Variants in TRHDE observed in about 807,000 individuals in gnomAD.
The protein encoded by TRHDE is thyrotropin-releasing hormone-degrading ectoenzyme.
A neutral mutation model predicts 125.7 loss-of-function variants in TRHDE; 72 were observed. The observed-to-expected ratio is 0.57, with a 90% CI of 0.47 to 0.70. The LOEUF (loss-of-function observed/expected upper bound fraction) is 0.70, where lower values mean the gene tolerates loss of function less well. Ranked by LOEUF, TRHDE falls within the 30% of genes least tolerant of loss-of-function variation. The probability of loss-of-function intolerance (pLI) is 0.00; values close to 1 mark genes in which losing one functional copy is unlikely to be tolerated. For missense variants in TRHDE, 1,110 were observed against 1,327.1 expected (o/e 0.84, Z 2.54); for synonymous variants, 509 against 509.1 (o/e 1.00, Z 0.00).
In TRHDE at chr12:72,542,215, C is replaced by T. The variant is rs984110673; in HGVS notation, c.1723-76C>T. ...AATAGAATAGCATGAATGAAGTAGA[C>T]TAGATTTGAGTAAAACAACTTTACA... is the stretch of plus-strand genomic sequence containing the variant. On this transcript the variant is annotated intron_variant, in intron 6 of 18. Transcript: ENST00000261180. 13 of 1,091,224 alleles carry T rather than the reference C, an allele frequency of 1.2e-5. No homozygotes were observed. In the Admixed American group the frequency reaches 2.5e-4, roughly 21 times the overall value. 67.6% of individuals were successfully genotyped at this position (1,091,224 alleles called of 1,614,324 possible). A position where few individuals can be genotyped will look rare whatever the true frequency, so the allele number is the denominator to read the frequency against.
At chr12:72,561,596 G>A (rs1870180029) in intron 7 of TRHDE, among the ~76,000 whole-genome samples, 1 of 152,088 alleles carries the variant, frequency 6.6e-6, no homozygotes, top group South Asian at 2.1e-4. Context: ...ACTCAGGAAT[G>A]ACTTTTTCTT....
intron 2 of TRHDE, among the ~76,000 whole-genome samples, chr12:72,128,503 T>C (rs774142630): frequency 6.6e-6 from 1 of 152,186 alleles, no homozygotes; most frequent in Non-Finnish European, 1.5e-5. Context: ...ATGTTAAATT[T>C]TTTTAGACAA....
intron 3 of TRHDE, among the ~76,000 whole-genome samples, chr12:72,381,639 G>T (rs1872188840): frequency 6.6e-6 from 1 of 151,894 alleles, no homozygotes; most frequent in Non-Finnish European, 1.5e-5. Flanking sequence ...CTCGTGATCC[G>T]CCCGCCTCGG....
intron 2 of TRHDE, among the ~76,000 whole-genome samples, chr12:72,366,859 A>G (rs1431499669): frequency 1.3e-5 from 2 of 152,084 alleles, no homozygotes; most frequent in South Asian, 2.1e-4. Flanking sequence ...TTATAACAGT[A>G]TTTGCTATGG....
chr12:72,273,609 A>G lies in TRHDE; in HGVS notation c.914+52A>G. On this transcript the variant is annotated intron_variant, in intron 1 of 18. Transcript: ENST00000261180. The surrounding 1 kb of genome is among the most constrained non-coding windows in gnomAD (Gnocchi z 5.3). The stretch of plus-strand genomic sequence containing the variant: ...TGCCCCACCCCGGCGCGCGGCTCGA[A>G]CCTCTGGGCGGCCTGCGACCCCGGG... 5 of 1,508,660 alleles carry G rather than the reference A, an allele frequency of 3.3e-6. No individual in the cohort carries two copies. The highest frequency in any genetic ancestry group is 4.4e-6 in the Non-Finnish European group (5 of 1,126,450). 93.5% of individuals were successfully genotyped at this position (1,508,660 alleles called of 1,614,324 possible). A position where few individuals can be genotyped will look rare whatever the true frequency, so the allele number is the denominator to read the frequency against.
At chr12:72,180,822 G>A (rs1335046784) in intron 2 of TRHDE, among the ~76,000 whole-genome samples, 2 of 152,158 alleles carry the variant, frequency 1.3e-5, no homozygotes, top group Non-Finnish European at 2.9e-5. Context: ...CCATGTACCT[G>A]GCAGAGCCAC....
intron 7 of TRHDE, among the ~76,000 whole-genome samples, chr12:72,555,640 T>C (rs1159076402): frequency 5.9e-5 from 9 of 152,220 alleles, no homozygotes; most frequent in Admixed American, 6.5e-5. Flanking sequence ...CACCTTGGTC[T>C]ATAGTCTAGC....
At chr12:72,445,039 T>A (rs1207682030) in intron 3 of TRHDE, among the ~76,000 whole-genome samples, 1 of 151,966 alleles carries the variant, frequency 6.6e-6, no homozygotes, top group Admixed American at 6.6e-5. Flanking sequence ...ACAAGTACCT[T>A]CTTCTTCTCC....
intron 2 of TRHDE, among the ~76,000 whole-genome samples, chr12:72,365,125 A>C (rs1042394038): frequency 6.6e-6 from 1 of 152,102 alleles, no homozygotes. Flanking sequence ...ATTAGTTGTT[A>C]GAGTTAAAAA....
rs1433689524 is a variant in TRHDE, at chr12:72,663,690, A to G, written c.*495A>G. On this transcript the variant is annotated 3_prime_UTR_variant, in exon 19 of 19. Transcript: ENST00000261180. ...TCAGTATTGCAATGAAAGAAAAACT[A>G]AAAACAGAAATGATATTCTCAATTT... 9 of 152,582 alleles carry G rather than the reference A, an allele frequency of 5.9e-5. No individual in the cohort carries two copies. Among genetic ancestry groups the G allele is most frequent in the Admixed American group, 5.9e-4 (9 of 15,266 alleles). 9.5% of individuals were successfully genotyped at this position (152,582 alleles called of 1,614,324 possible).
rs185405410 is a variant in TRHDE, at chr12:72,299,601, A to G, written c.1188+12647A>G. Among the ~76,000 whole-genome samples, 7 of 152,332 alleles carry G rather than the reference A, an allele frequency of 4.6e-5. No individual in the cohort carries two copies. The East Asian group carries it at 1.3e-3, about 29-fold the overall frequency. On this transcript the variant is annotated intron_variant, in intron 2 of 18. Transcript: ENST00000261180. ...TGAAATATTGGGAAAATCTGTCATAATTAAGATCAAAGAGATAACTGACTG... is the reference window on the plus strand; with the variant it reads ...TGAAATATTGGGAAAATCTGTCATAGTTAAGATCAAAGAGATAACTGACTG...
At chr12:72,559,835 A>G (rs1870093082) in intron 7 of TRHDE, among the ~76,000 whole-genome samples, 1 of 152,164 alleles carries the variant, frequency 6.6e-6, no homozygotes, top group Non-Finnish European at 1.5e-5. Flanking sequence ...CATCTTGCCA[A>G]GTGGTTATTA....
intron 2 of TRHDE, among the ~76,000 whole-genome samples, chr12:72,132,084 G>A (rs920699743): frequency 6.6e-6 from 1 of 152,148 alleles, no homozygotes; most frequent in Non-Finnish European, 1.5e-5. Context: ...GAGTAAGAGC[G>A]TCTCAGGGGA....
intron 12 of TRHDE, among the ~76,000 whole-genome samples, chr12:72,585,201 A>G (rs7298834): frequency 0.27 from 40,346 of 151,966 alleles, 8,139 homozygotes; most frequent in African/African-American, 0.54. Flanking sequence ...TAAAATTTAT[A>G]TGTTGATCAT....
chr12:72,243,957 G>A (rs1425054984), intron 2 of TRHDE, among the ~76,000 whole-genome samples: 6 of 152,100 alleles, frequency 3.9e-5, no homozygotes, highest in African/African-American at 1.4e-4. Flanking sequence ...TTTAACACTC[G>A]CCCACAGACC....
chr12:72,627,230 G>A (rs1338415745), intron 15 of TRHDE, among the ~76,000 whole-genome samples: 1 of 151,892 alleles, frequency 6.6e-6, no homozygotes, highest in Admixed American at 6.6e-5. Context: ...AATTTCCAGT[G>A]CTTATATCAG....
chr12:72,555,722 T>A (rs992628143), intron 7 of TRHDE, among the ~76,000 whole-genome samples: 1 of 152,194 alleles, frequency 6.6e-6, no homozygotes, highest in African/African-American at 2.4e-5. Flanking sequence ...TTAGGGAATG[T>A]GAAAACATCC....
At chr12:72,170,664 G>A (rs1876852699) in intron 2 of TRHDE, among the ~76,000 whole-genome samples, 1 of 152,138 alleles carries the variant, frequency 6.6e-6, no homozygotes, top group Non-Finnish European at 1.5e-5. Context: ...AAGGTCTGGG[G>A]TGGATGAAGA....
At chr12:72,401,290 A>G (rs542567860) in intron 3 of TRHDE, among the ~76,000 whole-genome samples, 2 of 152,312 alleles carry the variant, frequency 1.3e-5, no homozygotes, top group South Asian at 4.1e-4. Flanking sequence ...AGGTCTTGCT[A>G]TATACAAGGC....
Sources: gnomAD v4.1 joint callset for allele counts (sites outside exome capture counted in the v4.1 genomes callset) on GRCh38, gnomAD v4.1.1 for gene constraint, Gnocchi (gnomAD v3.1) non-coding constraint, MANE v1.5 for transcripts, NCBI Gene and HGNC (gene_info 2026-07-23, HGNC 2026-07-21) for gene names.